NR1H4: variants seen among roughly 807,000 people sequenced by gnomAD.
NR1H4 encodes bile acid receptor.
NR1H4 carries 23 observed loss-of-function variants against 58.5 expected under a neutral mutation model. That is an observed-to-expected ratio of 0.39 (90% CI 0.28 to 0.56). The LOEUF (loss-of-function observed/expected upper bound fraction) is 0.56. Among genes scored for constraint, NR1H4 ranks in the 20% least tolerant of loss-of-function variants. The pLI, the probability that NR1H4 is intolerant of heterozygous loss-of-function variation, is 0.58. For missense variants in NR1H4, 487 were observed against 576.9 expected (o/e 0.84, Z 1.60); for synonymous variants, 214 against 198.0 (o/e 1.08, Z -0.68).
intron 3 of NR1H4, among the ~76,000 whole-genome samples, chr12:100,506,733 C>G (rs1051737847): frequency 6.6e-6 from 1 of 151,920 alleles, no homozygotes; most frequent in Non-Finnish European, 1.5e-5. Flanking sequence ...GTCTTGAACT[C>G]CTTACCTCAG....
intron 4 of NR1H4, among the ~76,000 whole-genome samples, chr12:100,518,708 G>A (rs1030405006): frequency 1.2e-4 from 18 of 151,490 alleles, no homozygotes; most frequent in Admixed American, 1.1e-3. Context: ...ATTTCAGTAA[G>A]CTATACTTAC....
intron 1 of NR1H4, among the ~76,000 whole-genome samples, chr12:100,488,735 T>C (rs1953546778): frequency 6.6e-6 from 1 of 152,106 alleles, no homozygotes. Flanking sequence ...TAAGGGAGGG[T>C]AAAAAGTTGC....
rs555714543 is a variant in NR1H4, at chr12:100,514,932, A to G, written c.445+3789A>G. ...AACAAAACTACAAAACCAATAAAAT[A>G]ATGAAGTATATTAGATTGTATGGTT... On this transcript the variant is annotated intron_variant, in intron 4 of 10. Coordinates refer to ENST00000392986, the MANE Select transcript of NR1H4 (RefSeq NM_001206979.2). Among the ~76,000 whole-genome samples, 7 of 152,230 alleles carry G rather than the reference A, an allele frequency of 4.6e-5. No homozygotes were observed. In the East Asian group the frequency reaches 1.2e-3, roughly 25 times the overall value.
At chr12:100,517,028 A>T (rs550854607) in intron 4 of NR1H4, among the ~76,000 whole-genome samples, 2 of 152,070 alleles carry the variant, frequency 1.3e-5, no homozygotes, top group African/African-American at 4.8e-5. Flanking sequence ...TCATTTCTTC[A>T]TTATGAGAAT....
intron 4 of NR1H4, among the ~76,000 whole-genome samples, chr12:100,515,888 AG>A (rs1244608592): frequency 6.6e-6 from 1 of 152,226 alleles, no homozygotes; most frequent in East Asian, 1.9e-4. Flanking sequence ...TGCTACTCAA[AG>A]CATAGTACCT....
chr12:100,558,681 G>C (rs1288584328), intron 9 of NR1H4, among the ~76,000 whole-genome samples: 1 of 152,220 alleles, frequency 6.6e-6, no homozygotes, highest in Non-Finnish European at 1.5e-5. Flanking sequence ...TGACAAAGAG[G>C]AGTGAGCTAG....
intron 9 of NR1H4, among the ~76,000 whole-genome samples, chr12:100,541,507 CTT>C (rs1954934641): frequency 6.6e-6 from 1 of 151,978 alleles, no homozygotes; most frequent in Admixed American, 6.6e-5. Context: ...GTCTCAAACT[CTT>C]GGTCTCAAGC....
intron 4 of NR1H4, among the ~76,000 whole-genome samples, chr12:100,531,858 G>A (rs1954701872): frequency 2.6e-5 from 4 of 152,154 alleles, no homozygotes. Flanking sequence ...TATTATGCCA[G>A]GCTGGCATAT....
In NR1H4 at chr12:100,518,838, G is replaced by T. The variant is rs1300988372; in HGVS notation, c.445+7695G>T. 3.4e-5 allele frequency among the ~76,000 whole-genome samples: 5 copies of T among 148,056 alleles called. No individual in the cohort carries two copies. In the East Asian group the frequency reaches 1.0e-3, roughly 30 times the overall value. On this transcript the variant is annotated intron_variant, in intron 4 of 10. Transcript: ENST00000392986. ...GATGGACTCTCGCTCTGTCACCCAGGCTGGAGCGCAGTGGCAATCTTGGCC... is the reference window on the plus strand; with the variant it reads ...GATGGACTCTCGCTCTGTCACCCAGTCTGGAGCGCAGTGGCAATCTTGGCC...
In NR1H4 at chr12:100,533,890, C is replaced by CTTTTTTTTTTT. The variant is rs758465149; in HGVS notation, c.599-996_599-986dup. On this transcript the variant is annotated intron_variant, in intron 5 of 10. Coordinates refer to ENST00000392986, the MANE Select transcript of NR1H4 (RefSeq NM_001206979.2). ...GTTTTACATTATTTTTAATAGCTCT[C>CTTTTTTTTTTT]TTTTTTTTTTTTTTGTTGAGACGGA... 1.6e-3 allele frequency among the ~76,000 whole-genome samples: 232 copies of CTTTTTTTTTTT among 143,344 alleles called. 1 individual carries two copies. The highest frequency in any genetic ancestry group is 3.8e-3 in the African/African-American group (148 of 38,828). 94.0% of individuals were successfully genotyped at this position (143,344 alleles called of 152,430 possible).
intron 4 of NR1H4, among the ~76,000 whole-genome samples, chr12:100,523,349 T>G (rs563837510): frequency 1.3e-5 from 2 of 152,336 alleles, no homozygotes; most frequent in African/African-American, 2.4e-5. Flanking sequence ...CATTTGTATG[T>G]GTTCTTTTGA....
intron 5 of NR1H4, among the ~76,000 whole-genome samples, chr12:100,533,127 T>C (rs556072728): frequency 1.3e-5 from 2 of 152,360 alleles, no homozygotes; most frequent in South Asian, 4.1e-4. Flanking sequence ...GGAAATTAAC[T>C]ACTCCCAGTT....
At chr12:100,559,969 G>A (rs1419450105) in intron 9 of NR1H4, among the ~76,000 whole-genome samples, 1 of 152,146 alleles carries the variant, frequency 6.6e-6, no homozygotes, top group Non-Finnish European at 1.5e-5. Context: ...TAGCTGCTCT[G>A]GTGGGGCCTT....
At chr12:100,479,738 C>G (rs1025569744) in intron 1 of NR1H4, among the ~76,000 whole-genome samples, 11 of 152,372 alleles carry the variant, frequency 7.2e-5, no homozygotes, top group Admixed American at 7.2e-4. Flanking sequence ...GAGCTGCCTA[C>G]TCTCAGACCT....
intron 1 of NR1H4, among the ~76,000 whole-genome samples, chr12:100,474,903 A>G (rs1490583237): frequency 6.6e-6 from 1 of 151,610 alleles, no homozygotes; most frequent in Admixed American, 6.6e-5. Flanking sequence ...GCTGTCTTAG[A>G]ATCACTTCAG....
chr12:100,536,119 T>TAGA (rs1321668545), intron 6 of NR1H4, among the ~76,000 whole-genome samples: 11 of 152,140 alleles, frequency 7.2e-5, no homozygotes, highest in African/African-American at 2.7e-4. Context: ...GGAATTCATG[T>TAGA]AGAATAGTAT....
At chr12:100,519,232 G>A (rs1954349259) in intron 4 of NR1H4, among the ~76,000 whole-genome samples, 1 of 151,990 alleles carries the variant, frequency 6.6e-6, no homozygotes, top group Non-Finnish European at 1.5e-5. Context: ...AGAGCTCGGT[G>A]GAAACTTTAT....
chr12:100,532,681 A>T (rs1954723818), intron 5 of NR1H4, 71 bp downstream of exon 5: 2 of 1,376,068 alleles, frequency 1.5e-6, no homozygotes, highest in Non-Finnish European at 2.1e-6. Context: ...ACTCATCACG[A>T]GAGTGCTACT....
At chr12:100,547,497 G>T (rs1473298697) in intron 9 of NR1H4, among the ~76,000 whole-genome samples, 1 of 152,102 alleles carries the variant, frequency 6.6e-6, no homozygotes, top group Non-Finnish European at 1.5e-5. Context: ...ACTTCACAGA[G>T]TTCCCCAGAG....
Sources: allele counts gnomAD v4.1 joint callset (sites outside exome capture counted in the v4.1 genomes callset), GRCh38; gene constraint gnomAD v4.1.1; transcripts MANE v1.5; gene names NCBI Gene and HGNC (gene_info 2026-07-23, HGNC 2026-07-21).